Variants in NRXN3 observed in about 807,000 individuals in gnomAD.
NRXN3 encodes neurexin III.
In NRXN3, 32 loss-of-function variants were observed where a neutral mutation model predicts 137.6. That is an observed-to-expected ratio of 0.23 (90% CI 0.18 to 0.31). The LOEUF (loss-of-function observed/expected upper bound fraction) is 0.31, where lower values mean the gene tolerates loss of function less well. Among genes scored for constraint, NRXN3 ranks in the 10% least tolerant of loss-of-function variants. NRXN3 has a pLI of 1.00. For missense variants in NRXN3, 1,574 were observed against 2,062.5 expected (o/e 0.76, Z 4.59); for synonymous variants, 798 against 784.5 (o/e 1.02, Z -0.29).
chr14:79,348,532 C>T (rs1428631874), intron 15 of NRXN3, among the ~76,000 whole-genome samples: 2 of 152,092 alleles, frequency 1.3e-5, no homozygotes, highest in African/African-American at 2.4e-5. Context: ...CCCGCCACCA[C>T]TCCTGGCTAA....
intron 16 of NRXN3, among the ~76,000 whole-genome samples, chr14:79,528,603 T>C (rs1012283080): frequency 2.6e-5 from 4 of 152,106 alleles, no homozygotes; most frequent in Admixed American, 1.3e-4. Context: ...AGATTACAGG[T>C]AATTTTGATT....
chr14:79,713,340 CTT>C (rs1181982475), intron 19 of NRXN3, among the ~76,000 whole-genome samples: 1 of 150,298 alleles, frequency 6.7e-6, no homozygotes, highest in Non-Finnish European at 1.5e-5. Context: ...GGCATCCTGA[CTT>C]TGGTATGATT....
chr14:79,431,806 A>G (rs2095760424), intron 15 of NRXN3, among the ~76,000 whole-genome samples: 1 of 152,188 alleles, frequency 6.6e-6, no homozygotes, highest in African/African-American at 2.4e-5. Context: ...ATTAAGTTCT[A>G]TTAATAGACT....
At chr14:79,788,838 A>T (rs758375032) in intron 19 of NRXN3, among the ~76,000 whole-genome samples, 1 of 152,230 alleles carries the variant, frequency 6.6e-6, no homozygotes, top group African/African-American at 2.4e-5. Flanking sequence ...GATCAGAAAA[A>T]CATTACATAA....
chr14:79,111,735 CAA>C (rs1212843626), intron 15 of NRXN3, among the ~76,000 whole-genome samples: 9 of 87,504 alleles, frequency 1.0e-4, no homozygotes, highest in Admixed American at 1.3e-4. Context: ...GACTCCATCT[CAA>C]AAAAAAAAAA....
At chr14:79,097,918 T>C (rs2050631996) in intron 15 of NRXN3, among the ~76,000 whole-genome samples, 1 of 152,112 alleles carries the variant, frequency 6.6e-6, no homozygotes, top group Admixed American at 6.6e-5. Context: ...TACATACGAA[T>C]TCCTAATAAG....
At chr14:78,999,776 A>G (rs1221004107) in intron 15 of NRXN3, among the ~76,000 whole-genome samples, 1 of 152,160 alleles carries the variant, frequency 6.6e-6, no homozygotes, top group Non-Finnish European at 1.5e-5. Context: ...CACCGCTATA[A>G]CATAATATGG....
chr14:78,199,423 C>T (rs1285983463), intron 1 of NRXN3, among the ~76,000 whole-genome samples: 2 of 152,164 alleles, frequency 1.3e-5, no homozygotes, highest in Admixed American at 1.3e-4. Context: ...TTATTATGCA[C>T]TTACTATGTG....
chr14:78,812,540 G>A (rs368212856), intron 10 of NRXN3, among the ~76,000 whole-genome samples: 5 of 152,146 alleles, frequency 3.3e-5, no homozygotes, highest in African/African-American at 4.8e-5. Flanking sequence ...TTCTCATGAA[G>A]TCAATCCCAT....
At chr14:79,195,142 G>T (rs2064978620) in intron 15 of NRXN3, among the ~76,000 whole-genome samples, 1 of 152,016 alleles carries the variant, frequency 6.6e-6, no homozygotes, top group Admixed American at 6.6e-5. Flanking sequence ...CCTCTCCTCA[G>T]AGCATTCAAG....
intron 4 of NRXN3, among the ~76,000 whole-genome samples, chr14:78,516,670 G>A (rs1470873391): frequency 6.6e-6 from 1 of 152,034 alleles, no homozygotes. Context: ...TAATGTGAAA[G>A]ATTTGGGGAG....
At chr14:79,595,711 A>G (rs978689632) in intron 16 of NRXN3, among the ~76,000 whole-genome samples, 2 of 152,196 alleles carry the variant, frequency 1.3e-5, no homozygotes, top group Non-Finnish European at 2.9e-5. Context: ...CAATTTTTAT[A>G]TACATTAGAT....
intron 4 of NRXN3, among the ~76,000 whole-genome samples, chr14:78,326,463 G>A (rs972383092): frequency 6.6e-5 from 10 of 152,344 alleles, no homozygotes; most frequent in South Asian, 2.1e-4. Context: ...AACATGTTCC[G>A]TTTTGGATTC....
Position 78,957,349 on chromosome 14 carries a change from G to A in NRXN3, c.2383G>A (p.Asp795Asn), listed in dbSNP as rs754265511. 3.6e-5 allele frequency: 58 copies of A among 1,613,862 alleles called. No homozygotes were observed. Among genetic ancestry groups the A allele is most frequent in the Admixed American group, 3.3e-4 (20 of 59,976 alleles). ...AAGCCTTAAGTTAACCGTGGATGAT[G>A]ATGTGGCTGAGGGTGAGTATGACTA... ...GKSLKLTVDD[D>N]VAEGTMVGDH... The change falls in exon 11 of 21, where the codon GAT becomes AAT. Residue 795 changes from aspartate (D) to asparagine (N), a missense_variant. Physicochemically the swap from Asp to Asn is conservative, Grantham distance 23. Coordinates refer to ENST00000335750, the MANE Select transcript of NRXN3 (RefSeq NM_001330195.2).
At chr14:78,653,368 G>T (rs2097761482) in intron 6 of NRXN3, among the ~76,000 whole-genome samples, 1 of 152,158 alleles carries the variant, frequency 6.6e-6, no homozygotes, top group South Asian at 2.1e-4. Context: ...ACTCTCATCA[G>T]AAAAAGACTG....
chr14:79,044,465 T>A (rs1471283879), intron 15 of NRXN3, among the ~76,000 whole-genome samples: 1 of 152,198 alleles, frequency 6.6e-6, no homozygotes, highest in Non-Finnish European at 1.5e-5. Flanking sequence ...GGGAGAATAA[T>A]GATTGTACCT....
intron 4 of NRXN3, among the ~76,000 whole-genome samples, chr14:78,627,193 C>T (rs1305760655): frequency 6.9e-6 from 1 of 144,046 alleles, no homozygotes; most frequent in East Asian, 2.2e-4. Flanking sequence ...TTTTCAATTT[C>T]CCTCTTCTTT....
intron 20 of NRXN3, among the ~76,000 whole-genome samples, chr14:79,831,859 C>G (rs2099324813): frequency 6.6e-6 from 1 of 152,132 alleles, no homozygotes; most frequent in Non-Finnish European, 1.5e-5. Flanking sequence ...TTGCAGTTTA[C>G]TTTGCTCCGA....
At position 79,866,301 on chromosome 14, in the gene NRXN3, C is replaced by A. The variant is rs558587122; in HGVS notation, c.*4337C>A. On this transcript the variant is annotated 3_prime_UTR_variant, in exon 21 of 21. Coordinates refer to ENST00000335750, the MANE Select transcript of NRXN3 (RefSeq NM_001330195.2). The stretch of plus-strand genomic sequence containing the variant: ...TGATTATGGGATATTAAATTGAGAG[C>A]CTTGGGAGCTTATCATCTAGTAAAG... 3 of 152,032 alleles carry A rather than the reference C, an allele frequency of 2.0e-5. No individual in the cohort carries two copies. Among genetic ancestry groups the A allele is most frequent in the African/African-American group, 7.2e-5 (3 of 41,462 alleles). The allele number at this position is 152,032 out of a possible 1,614,324, so 9.4% of individuals were successfully genotyped here.
Sources: gnomAD v4.1 joint callset for allele counts (sites outside exome capture counted in the v4.1 genomes callset) on GRCh38, gnomAD v4.1.1 for gene constraint, MANE v1.5 for transcripts, NCBI Gene and HGNC (gene_info 2026-07-23, HGNC 2026-07-21) for gene names.